The following BOC variants were observed in gnomAD, a reference collection of about 807,000 sequenced individuals.
The protein encoded by BOC is brother of CDO.
In BOC, 76 loss-of-function variants were observed where a neutral mutation model predicts 112.0. That is an observed-to-expected ratio of 0.68 (90% CI 0.56 to 0.82). The LOEUF is 0.82. Ranked by LOEUF, BOC falls within the 40% of genes least tolerant of loss-of-function variation. BOC has a pLI of 0.00. For synonymous variants in BOC, 580 were observed against 599.8 expected, an observed-to-expected ratio of 0.97 and a Z score of 0.48; for missense variants, 1,309 against 1,511.7, an observed-to-expected ratio of 0.87 and a Z score of 2.22.
chr3:113,269,803 C>T (rs539121930), intron 5 of BOC: 1 of 152,370 alleles, frequency 6.6e-6, no homozygotes, highest in African/African-American at 2.4e-5. Context: ...AAGGGTTTCT[C>T]CCACTCCATC....
At chr3:113,249,514 A>AAG (rs1945344613) in intron 2 of BOC, among the ~76,000 whole-genome samples, 1 of 152,202 alleles carries the variant, frequency 6.6e-6, no homozygotes, top group Non-Finnish European at 1.5e-5. Flanking sequence ...TAGCTAGAGA[A>AAG]AGAGCCCTAG....
chr3:113,280,892 C>T (rs1221411825), intron 14 of BOC, 139 bp from the exon 15 acceptor site: 26 of 1,181,622 alleles, frequency 2.2e-5, no homozygotes, highest in East Asian at 1.4e-4. Context: ...TTTCCTCCAG[C>T]GTTCCTCCAC....
chr3:113,259,843 C>A (rs1174352954), intron 4 of BOC, among the ~76,000 whole-genome samples: 2 of 152,104 alleles, frequency 1.3e-5, no homozygotes, highest in African/African-American at 2.4e-5. Flanking sequence ...TCCCTCAGGC[C>A]CACTTTCCAT....
intron 4 of BOC, among the ~76,000 whole-genome samples, chr3:113,252,773 C>T (rs754030074): frequency 3.9e-5 from 6 of 152,204 alleles, no homozygotes; most frequent in Admixed American, 1.3e-4. Context: ...AGCCACTCCT[C>T]TTTGTGGCAG....
At chr3:113,264,993 G>C (rs1458531581) in intron 4 of BOC, among the ~76,000 whole-genome samples, 1 of 152,216 alleles carries the variant, frequency 6.6e-6, no homozygotes, top group Non-Finnish European at 1.5e-5. Flanking sequence ...CATCAGAACA[G>C]AGGGGCTGTC....
chr3:113,229,715 GA>G (rs888482439), intron 2 of BOC, among the ~76,000 whole-genome samples: 2 of 152,154 alleles, frequency 1.3e-5, no homozygotes, highest in Non-Finnish European at 2.9e-5. Context: ...ATTTGTGTGA[GA>G]AAAAATATGT....
chr3:113,235,791 G>A (rs1001839416), intron 2 of BOC, among the ~76,000 whole-genome samples: 9 of 152,138 alleles, frequency 5.9e-5, no homozygotes, highest in African/African-American at 1.2e-4. Context: ...TTAAAACAAC[G>A]AAGAATATTT....
rs202019169 is a variant in BOC, at chr3:113,279,968, A to G, written c.2168A>G (p.Asp723Gly). 384 of 1,612,702 alleles carry G rather than the reference A, an allele frequency of 2.4e-4. 1 individual carries two copies. The highest frequency in any genetic ancestry group is 3.0e-4 in the Non-Finnish European group (355 of 1,179,392). ...GCAGGTCCTTATATCACCTTCACGGATGCGGTCAATGAGACCACCATCATG... is the reference window on the plus strand; with the variant it reads ...GCAGGTCCTTATATCACCTTCACGGGTGCGGTCAATGAGACCACCATCATG... ...PVAGPYITFT[D>G]AVNETTIMLK... is the part of the protein sequence containing the mutation. Residue 723 changes from aspartate (D) to glycine (G), a missense_variant, in exon 13 of 20, where the codon GAT (aspartate) becomes GGT (glycine). Coordinates refer to ENST00000682979, the MANE Select transcript of BOC (RefSeq NM_001378074.1).
chr3:113,259,788 TC>T (rs1448409333), intron 4 of BOC, among the ~76,000 whole-genome samples: 3 of 152,204 alleles, frequency 2.0e-5, no homozygotes, highest in Non-Finnish European at 2.9e-5. Context: ...GCATTTATTT[TC>T]CTATAGGGAG....
intron 9 of BOC, among the ~76,000 whole-genome samples, chr3:113,275,623 T>A (rs960823395): frequency 8.5e-5 from 13 of 152,214 alleles, no homozygotes; most frequent in African/African-American, 1.2e-4. Flanking sequence ...TAAAAGCATA[T>A]ACATGCTGAT....
At chr3:113,243,732 T>G (rs1381988445) in intron 2 of BOC, among the ~76,000 whole-genome samples, 1 of 152,180 alleles carries the variant, frequency 6.6e-6, no homozygotes, top group Admixed American at 6.5e-5. Flanking sequence ...TCATCCCCCT[T>G]GCTTGTACAT....
intron 2 of BOC, among the ~76,000 whole-genome samples, chr3:113,239,726 A>T (rs1944042613): frequency 6.6e-6 from 1 of 152,236 alleles, no homozygotes; most frequent in East Asian, 1.9e-4. Flanking sequence ...TTTGCAGGGA[A>T]GGTTGGGAAG....
intron 2 of BOC, among the ~76,000 whole-genome samples, chr3:113,247,064 G>A (rs1054269253): frequency 1.3e-5 from 2 of 152,158 alleles, no homozygotes; most frequent in Non-Finnish European, 2.9e-5. Flanking sequence ...GCCACCGTGT[G>A]TTCAGATAAG....
intron 6 of BOC, 22 bp from the exon 7 acceptor site, chr3:113,272,388 C>T: frequency 6.2e-7 from 1 of 1,609,078 alleles, no homozygotes; most frequent in Non-Finnish European, 8.5e-7. Context: ...GCCTTCTGTC[C>T]TTGCCCTCCT....
At position 113,284,523 on chromosome 3, in the gene BOC, C is replaced by A. The variant is rs1194491850; in HGVS notation, c.2845C>A (p.Pro949Thr). 5 of 1,613,990 alleles carry A rather than the reference C, an allele frequency of 3.1e-6. No homozygotes were observed. Among genetic ancestry groups the A allele is most frequent in the Non-Finnish European group, 4.2e-6 (5 of 1,179,880 alleles). ...CTGCCCCTCGGCTGCAGTGGGCTAC[C>A]CGGGCATGAAGCCCCAGCAGCACTG... ...RGCPSAAVGY[P>T]GMKPQQHCPG... Residue 949 changes from proline (P) to threonine (T), a missense_variant, in exon 17 of 20, where the codon CCG becomes ACG. Transcript: ENST00000682979.
chr3:113,264,531 T>G (rs1204603214), intron 4 of BOC, among the ~76,000 whole-genome samples: 1 of 152,176 alleles, frequency 6.6e-6, no homozygotes, highest in Non-Finnish European at 1.5e-5. Context: ...AAACCAGCTT[T>G]GCAGACAAAG....
At chr3:113,251,135 G>C in intron 4 of BOC, 1 of 574,066 alleles carries the variant, frequency 1.7e-6, no homozygotes, top group South Asian at 2.3e-5. Context: ...CCAGAGCAGG[G>C]CCGTGCCGTG....
chr3:113,252,191 C>T (rs1945717213), intron 4 of BOC, among the ~76,000 whole-genome samples: 1 of 152,190 alleles, frequency 6.6e-6, no homozygotes, highest in Admixed American at 6.5e-5. Flanking sequence ...GAACTGCCTC[C>T]AATTTGGCCC....
chr3:113,270,790 C>A lies in BOC; in HGVS notation c.524-11C>A. ...CCATCCCATCTTCCCCTGGCCCTGC[C>A]CTTTCCACAGGTAACTACCTGATCA... On this transcript the variant is annotated splice_polypyrimidine_tract_variant and intron_variant, in intron 5 of 19. Transcript: ENST00000682979. The A allele has an allele frequency of 6.2e-7, 1 of 1,603,168 alleles. No individual in the cohort carries two copies. The highest frequency in any genetic ancestry group is 1.1e-5 in the South Asian group (1 of 88,958).
Sources: allele counts gnomAD v4.1 joint callset (sites outside exome capture counted in the v4.1 genomes callset), GRCh38; gene constraint gnomAD v4.1.1; transcripts MANE v1.5; gene names NCBI Gene and HGNC (gene_info 2026-07-23, HGNC 2026-07-21).